Variants in LIG3 observed in about 807,000 individuals in gnomAD.
LIG3 encodes DNA ligase 3, also known as ligase II, DNA, ATP-dependent.
A neutral mutation model predicts 110.9 loss-of-function variants in LIG3; 58 were observed. The ratio of observed to expected loss-of-function variants is 0.52; its 90% CI spans 0.42 to 0.65. The LOEUF is 0.65. LIG3 is among the 30% of genes least tolerant of loss of function. LIG3 has a pLI of 0.00. For missense variants in LIG3, 1,094 were observed against 1,273.8 expected (o/e 0.86, Z 2.15); for synonymous variants, 422 against 472.8 (o/e 0.89, Z 1.39).
Position 34,999,333 on chromosome 17 carries a change from GGCT to G in LIG3, c.2144_2146del (p.Cys715del). 4 of 1,613,582 alleles carry G rather than the reference GGCT, an allele frequency of 2.5e-6. No homozygotes were observed. The highest frequency in any genetic ancestry group is 3.4e-6 in the Non-Finnish European group (4 of 1,179,696). On this transcript the variant is annotated inframe_deletion, in exon 15 of 20. Coordinates refer to ENST00000378526, the MANE Select transcript of LIG3 (RefSeq NM_013975.4). ...CGGCATGATGTCAATCTTCCTCATG[GGCT>G]GCTACGACCCTGGCAGCCAGAAGTG...
At chr17:35,002,331 G>A (rs1016820595) in intron 18 of LIG3, among the ~76,000 whole-genome samples, 1 of 152,158 alleles carries the variant, frequency 6.6e-6, no homozygotes, top group Non-Finnish European at 1.5e-5. Flanking sequence ...GTACCCTGGG[G>A]ACAGCCAGTC....
At position 34,983,236 on chromosome 17, in the gene LIG3, G is replaced by T; in HGVS notation, c.231G>T (p.Leu77Phe). 1 of 1,614,206 alleles carries T rather than the reference G, an allele frequency of 6.2e-7. No homozygotes were observed. Among genetic ancestry groups the T allele is most frequent in the Non-Finnish European group, 8.5e-7 (1 of 1,180,034 alleles). ...RATYLVFLPG[L>F]HVGLCSGPCE... ...CCTACCTTGTTTTCTTGCCAGGGTT[G>T]CATGTGGGACTCTGCAGTGGCCCCT... is the stretch of plus-strand genomic sequence containing the variant. Residue 77 changes from leucine (L) to phenylalanine (F), a missense_variant, in exon 2 of 20, where the codon TTG becomes TTT. Coordinates refer to ENST00000378526, the MANE Select transcript of LIG3 (RefSeq NM_013975.4).
intron 8 of LIG3, 158 bp from the exon 9 acceptor site, chr17:34,994,118 C>T (rs1248347002): frequency 5.0e-6 from 3 of 603,602 alleles, no homozygotes; most frequent in Non-Finnish European, 8.6e-6. Flanking sequence ...TTTCCGTTCC[C>T]ATCACCTCTT....
chr17:35,001,923 G>A lies in LIG3; in HGVS notation c.2493G>A (p.Leu831=). The change falls in exon 18 of 20, where the codon TTG becomes TTA. Residue 831 remains leucine, a synonymous_variant. Transcript: ENST00000378526. ...CCCCGCCTCAGGAACTGTACCAGTT[G>A]TCCAAGGAGAAGGCAGACTTCACTG... ...NLPQLKELYQ[L]SKEKADFTVV... 6.2e-7 allele frequency: 1 copy of A among 1,610,810 alleles called. No homozygotes were observed. Among genetic ancestry groups the A allele is most frequent in the Non-Finnish European group, 8.5e-7 (1 of 1,178,874 alleles).
At chr17:34,991,422 G>T in intron 5 of LIG3, 4 of 571,308 alleles carry the variant, frequency 7.0e-6, no homozygotes, top group African/African-American at 1.9e-5. Flanking sequence ...TTTCTTGCTT[G>T]TTTTCTCCTA....
intron 11 of LIG3, 31 bp from the exon 12 acceptor site, chr17:34,997,707 G>T: frequency 6.5e-7 from 1 of 1,529,878 alleles, no homozygotes; most frequent in African/African-American, 1.4e-5. Flanking sequence ...GGAGGATCCC[G>T]GCCTAACCTC....
intron 3 of LIG3, among the ~76,000 whole-genome samples, chr17:34,986,606 G>A (rs1047835242): frequency 6.6e-6 from 1 of 152,236 alleles, no homozygotes; most frequent in African/African-American, 2.4e-5. Context: ...GCAGGCGTGA[G>A]CCACTGCGCT....
In LIG3 at chr17:34,992,664, C is replaced by T. The variant is rs761685440; in HGVS notation, c.1427C>T (p.Ser476Leu). 2.5e-6 allele frequency: 4 copies of T among 1,608,506 alleles called. No individual in the cohort carries two copies. The South Asian group carries it at 3.3e-5, about 13-fold the overall frequency. Residue 476 changes from serine (S) to leucine (L), a missense_variant, in exon 8 of 20, where the codon TCG becomes TTG. By Grantham distance (145) the Ser-to-Leu change is moderately radical. Transcript: ENST00000378526. Reference sequence around the variant, plus strand: ...AGACGAGCTCTGAGCGTCCAGGCCTCGCTGATGACACCTGTGCAGCCCATG... The same window carrying T: ...AGACGAGCTCTGAGCGTCCAGGCCTTGCTGATGACACCTGTGCAGCCCATG... ...GQRRALSVQA[S>L]LMTPVQPMLA...
chr17:35,005,820 T>C lies in LIG3; in HGVS notation c.*1314T>C, dbSNP rs2090891855. 2.2e-6 allele frequency: 1 copy of C among 454,948 alleles called. No homozygotes were observed. The allele number at this position is 454,948 out of a possible 1,614,324, so 28.2% of individuals were successfully genotyped here. ...TCTAAAGGCTGTACCAATCCTCCAATATGAAATGTGGGAAAGAATGAAGAG... is the reference window on the plus strand; with the variant it reads ...TCTAAAGGCTGTACCAATCCTCCAACATGAAATGTGGGAAAGAATGAAGAG... On this transcript the variant is annotated 3_prime_UTR_variant, in exon 20 of 20. Coordinates refer to ENST00000378526, the MANE Select transcript of LIG3 (RefSeq NM_013975.4).
Position 34,998,706 on chromosome 17 carries a change from T to C in LIG3, c.2092T>C (p.Phe698Leu). The C allele has an allele frequency of 1.2e-6, 2 of 1,614,038 alleles. No individual in the cohort carries two copies. The highest frequency in any genetic ancestry group is 1.7e-6 in the Non-Finnish European group (2 of 1,179,956). Reference sequence around the variant, plus strand: ...AGCTGACCTGGTGGTCCTTGGAGCCTTCTATGGGCAAGGGAGCAAAGGTCA... The same window carrying C: ...AGCTGACCTGGTGGTCCTTGGAGCCCTCTATGGGCAAGGGAGCAAAGGTCA... ...DTADLVVLGA[F>L]YGQGSKGGMM... The change falls in exon 14 of 20, where the codon TTC (phenylalanine) becomes CTC (leucine). Residue 698 changes from phenylalanine (F) to leucine (L), a missense_variant. Transcript: ENST00000378526.
At chr17:34,983,621 C>T in intron 2 of LIG3, 69 bp downstream of exon 2, 1 of 1,385,386 alleles carries the variant, frequency 7.2e-7, no homozygotes, top group Non-Finnish European at 9.7e-7. Context: ...AGTTCAACTG[C>T]TTTCTTTCTC....
At position 34,992,041 on chromosome 17, in the gene LIG3, T is replaced by A. The variant is rs918329292; in HGVS notation, c.1286+6T>A. On this transcript the variant is annotated splice_donor_region_variant and intron_variant, in intron 7 of 19. Coordinates refer to ENST00000378526, the MANE Select transcript of LIG3 (RefSeq NM_013975.4). ...AACTCAGGTGCAAAACATGTGTAAG[T>A]AGCAGCTCCGCTGACAGCCTGAGCT... is the stretch of plus-strand genomic sequence containing the variant. 9.3e-6 allele frequency: 15 copies of A among 1,612,660 alleles called. No homozygotes were observed. The highest frequency in any genetic ancestry group is 1.2e-5 in the Non-Finnish European group (14 of 1,178,750).
chr17:35,002,628 G>A (rs1160012489), intron 18 of LIG3, 40 bp from the exon 19 acceptor site: 5 of 1,598,104 alleles, frequency 3.1e-6, no homozygotes, highest in Non-Finnish European at 4.3e-6. Flanking sequence ...TGGGACTATA[G>A]GTGTGCACCA....
In LIG3 at chr17:35,006,853, C is replaced by T. The variant is rs908266444; in HGVS notation, c.*2347C>T. On this transcript the variant is annotated 3_prime_UTR_variant, in exon 20 of 20. Transcript: ENST00000378526. ...TTGATCTGATTGACTTTGGCTTCCA[C>T]CTACTGTTTAAAATGTGTATGTTGG... 1.3e-5 allele frequency: 2 copies of T among 151,468 alleles called. No homozygotes were observed. The highest frequency in any genetic ancestry group is 4.8e-5 in the African/African-American group (2 of 41,276). The allele number at this position is 151,468 out of a possible 1,614,324, so 9.4% of individuals were successfully genotyped here. A position where few individuals can be genotyped will look rare whatever the true frequency, so the allele number is the denominator to read the frequency against.
Position 34,983,476 on chromosome 17 carries a change from C to G in LIG3, c.471C>G (p.Ile157Met). 2.5e-6 allele frequency: 4 copies of G among 1,614,020 alleles called. No homozygotes were observed. The highest frequency in any genetic ancestry group is 2.2e-5 in the South Asian group (2 of 91,054). The change falls in exon 2 of 20, where the codon ATC becomes ATG. Residue 157 changes from isoleucine (I) to methionine (M), a missense_variant. Ile to Met is a conservative substitution (Grantham distance 10). Transcript: ENST00000378526. ...LERARATTKKIEDLTELEGWE... is the reference protein window; with the variant it reads ...LERARATTKKMEDLTELEGWE... ...GGGCCCGGGCCACCACAAAAAAAAT[C>G]GAGGACCTCACAGAGCTGGAAGGCT...
intron 9 of LIG3, 29 bp downstream of exon 9, chr17:34,994,460 C>G: frequency 6.2e-7 from 1 of 1,603,326 alleles, no homozygotes; most frequent in Non-Finnish European, 8.5e-7. Context: ...CTGCCAGGAC[C>G]GTCTTTCCCC....
At position 35,005,770 on chromosome 17, in the gene LIG3, CT is replaced by C. The variant is rs1298909349; in HGVS notation, c.*1265del. ...GCCTTTAAGAAGAAATCAGTGGATACTGGATTTGCTCCTGTCAATGAAGTTC... is the reference window on the plus strand; with the variant it reads ...GCCTTTAAGAAGAAATCAGTGGATACGGATTTGCTCCTGTCAATGAAGTTC... On this transcript the variant is annotated 3_prime_UTR_variant, in exon 20 of 20. Transcript: ENST00000378526. The C allele has an allele frequency of 1.3e-4, 72 of 547,216 alleles. No individual in the cohort carries two copies. The highest frequency in any genetic ancestry group is 1.3e-3 in the African/African-American group (66 of 52,276). The allele number at this position is 547,216 out of a possible 1,614,324, so 33.9% of individuals were successfully genotyped here. A position where few individuals can be genotyped will look rare whatever the true frequency, so the allele number is the denominator to read the frequency against.
intron 15 of LIG3, 125 bp from the exon 16 acceptor site, chr17:34,999,656 TG>T: frequency 9.2e-7 from 1 of 1,090,410 alleles, no homozygotes; most frequent in East Asian, 2.4e-5. Flanking sequence ...CACTCTGGGC[TG>T]GGAGGATCAC....
rs560388612 is a variant in LIG3 at position 34,987,719 on chromosome 17, G to T, written c.691+1588G>T. ...CTCCTACCATAGTGCTATGCACAGG[G>T]TGCTATAGGAGCACAGGCAGCAATA... On this transcript the variant is annotated intron_variant, in intron 3 of 19. Coordinates refer to ENST00000378526, the MANE Select transcript of LIG3 (RefSeq NM_013975.4). Among the ~76,000 whole-genome samples the T allele has an allele frequency of 1.3e-4, 20 of 152,242 alleles. No individual in the cohort carries two copies. The South Asian group carries it at 3.7e-3, about 28-fold the overall frequency.
Sources: gnomAD v4.1 joint callset for allele counts (sites outside exome capture counted in the v4.1 genomes callset) on GRCh38, gnomAD v4.1.1 for gene constraint, MANE v1.5 for transcripts, NCBI Gene and HGNC (gene_info 2026-07-23, HGNC 2026-07-21) for gene names.